Variants in PDE8A observed in about 807,000 individuals in gnomAD.
The protein encoded by PDE8A is phosphodiesterase 8A, also known as high affinity cAMP-specific and IBMX-insensitive 3',5'-cyclic phosphodiesterase 8A.
PDE8A carries 59 observed loss-of-function variants against 105.0 expected under a neutral mutation model. The ratio of observed to expected loss-of-function variants is 0.56; its 90% CI spans 0.46 to 0.70. The LOEUF (loss-of-function observed/expected upper bound fraction) is 0.70. PDE8A is among the 30% of genes least tolerant of loss of function. PDE8A has a pLI of 0.00. For synonymous variants in PDE8A, 355 were observed against 371.9 expected, an observed-to-expected ratio of 0.95 and a Z score of 0.52; for missense variants, 1,014 against 1,045.9, an observed-to-expected ratio of 0.97 and a Z score of 0.42.
intron 1 of PDE8A, among the ~76,000 whole-genome samples, chr15:85,023,006 A>G (rs1026579825): frequency 2.6e-5 from 4 of 152,230 alleles, no homozygotes; most frequent in African/African-American, 9.6e-5. Context: ...CTGAAAAGGT[A>G]GACCTAGGTA....
intron 17 of PDE8A, among the ~76,000 whole-genome samples, chr15:85,119,555 AT>A (rs2082149904): frequency 6.6e-6 from 1 of 151,706 alleles, no homozygotes; most frequent in Non-Finnish European, 1.5e-5. Context: ...TTTAATTTAA[AT>A]CAATTTAAAT....
chr15:85,002,823 T>G (rs887358860), intron 1 of PDE8A, among the ~76,000 whole-genome samples: 1 of 152,202 alleles, frequency 6.6e-6, no homozygotes, highest in Non-Finnish European at 1.5e-5. Flanking sequence ...TTGTTAGGAA[T>G]AACAGAAGTC....
chr15:85,051,671 A>C (rs998793387), intron 1 of PDE8A, among the ~76,000 whole-genome samples: 1 of 151,918 alleles, frequency 6.6e-6, no homozygotes, highest in African/African-American at 2.4e-5. Flanking sequence ...CCACATGTCC[A>C]TGTGTTCTCA....
intron 3 of PDE8A, among the ~76,000 whole-genome samples, chr15:85,074,267 G>T (rs1049206094): frequency 6.6e-6 from 1 of 152,224 alleles, no homozygotes; most frequent in Non-Finnish European, 1.5e-5. Flanking sequence ...ACACAGTCTT[G>T]CCCATTCATT....
intron 11 of PDE8A, among the ~76,000 whole-genome samples, chr15:85,101,869 A>G (rs1454365438): frequency 6.6e-6 from 1 of 152,128 alleles, no homozygotes; most frequent in African/African-American, 2.4e-5. Context: ...GGGAGGATGA[A>G]TGTGGAGAGC....
intron 1 of PDE8A, among the ~76,000 whole-genome samples, chr15:85,052,432 C>T (rs1276098297): frequency 5.3e-5 from 8 of 152,192 alleles, no homozygotes; most frequent in African/African-American, 1.7e-4. Context: ...AGTTTACAGT[C>T]CCACCAACAG....
intron 5 of PDE8A, among the ~76,000 whole-genome samples, chr15:85,078,413 G>T (rs1334039876): frequency 6.6e-6 from 1 of 151,830 alleles, no homozygotes; most frequent in African/African-American, 2.4e-5. Flanking sequence ...GGGCATGGTG[G>T]TGCACACCTG....
chr15:85,133,454 C>T (rs1180534673), intron 20 of PDE8A, among the ~76,000 whole-genome samples: 1 of 152,168 alleles, frequency 6.6e-6, no homozygotes, highest in African/African-American at 2.4e-5. Context: ...GCCGCTGCCT[C>T]CTCCAGACCA....
chr15:85,126,492 T>A, intron 20 of PDE8A, 118 bp downstream of exon 20: 3 of 730,446 alleles, frequency 4.1e-6, no homozygotes, highest in Non-Finnish European at 5.9e-6. Flanking sequence ...TGTCCTTGTT[T>A]TGCAAGGTAA....
chr15:85,095,558 G>A (rs2081732793), intron 8 of PDE8A, among the ~76,000 whole-genome samples: 2 of 152,048 alleles, frequency 1.3e-5, no homozygotes, highest in African/African-American at 2.4e-5. Context: ...TGGCCAGGCT[G>A]GTCTCTCAAA....
At chr15:85,081,344 C>T (rs1430702561) in intron 5 of PDE8A, among the ~76,000 whole-genome samples, 2 of 152,050 alleles carry the variant, frequency 1.3e-5, no homozygotes, top group Non-Finnish European at 2.9e-5. Flanking sequence ...GAATAACATC[C>T]CTAGGGAGTC....
intron 1 of PDE8A, among the ~76,000 whole-genome samples, chr15:84,993,180 ATG>A (rs1158691349): frequency 6.6e-6 from 1 of 152,212 alleles, no homozygotes; most frequent in African/African-American, 2.4e-5. Context: ...GTGGTGGCTC[ATG>A]CCTGTAATCC....
intron 11 of PDE8A, among the ~76,000 whole-genome samples, chr15:85,102,063 A>AG (rs2081871861): frequency 6.6e-6 from 1 of 152,210 alleles, no homozygotes; most frequent in Admixed American, 6.5e-5. Context: ...CAGATGTGGA[A>AG]GTGATGGAAA....
intron 11 of PDE8A, among the ~76,000 whole-genome samples, chr15:85,108,412 C>G (rs1389630683): frequency 6.6e-6 from 1 of 152,140 alleles, no homozygotes; most frequent in Non-Finnish European, 1.5e-5. Flanking sequence ...TGGTACCCAG[C>G]AGGTGCACAG....
At chr15:85,134,709 T>G (rs957927656) in intron 20 of PDE8A, among the ~76,000 whole-genome samples, 1 of 152,194 alleles carries the variant, frequency 6.6e-6, no homozygotes, top group African/African-American at 2.4e-5. Flanking sequence ...CTCTGGGCAC[T>G]GTGCTAGGTA....
intron 12 of PDE8A, 125 bp downstream of exon 12, chr15:85,109,255 G>C (rs2304420): frequency 0.16 from 87,408 of 550,416 alleles, 9,120 homozygotes; most frequent in East Asian, 0.44. Flanking sequence ...GAACCCTCTG[G>C]AAACTAGTGT....
At chr15:85,095,413 G>A (rs2081728841) in intron 8 of PDE8A, among the ~76,000 whole-genome samples, 1 of 151,876 alleles carries the variant, frequency 6.6e-6, no homozygotes, top group Non-Finnish European at 1.5e-5. Flanking sequence ...GGGTGATATC[G>A]GCTCACTGCA....
At chr15:85,028,409 C>G in intron 1 of PDE8A, among the ~76,000 whole-genome samples, 1 of 151,974 alleles carries the variant, frequency 6.6e-6, no homozygotes, top group East Asian at 1.9e-4. Context: ...GAGACAAGAT[C>G]TTGCTTTGTT....
At chr15:85,046,065 C>CTTTTTTTTTTTTT (rs34486009) in intron 1 of PDE8A, among the ~76,000 whole-genome samples, 2 of 124,448 alleles carry the variant, frequency 1.6e-5, no homozygotes, top group Non-Finnish European at 3.4e-5. Flanking sequence ...CTTTCTGTTT[C>CTTTTTTTTTTTTT]TTTTTTTTTT....
Sources: allele counts gnomAD v4.1 joint callset (sites outside exome capture counted in the v4.1 genomes callset), GRCh38; gene constraint gnomAD v4.1.1; transcripts MANE v1.5; gene names NCBI Gene and HGNC (gene_info 2026-07-23, HGNC 2026-07-21).